METTL25: variants seen among roughly 807,000 people sequenced by gnomAD.
The protein encoded by METTL25 is methyltransferase like 25, also known as probable methyltransferase-like protein 25.
A neutral mutation model predicts 71.6 loss-of-function variants in METTL25; 64 were observed. The observed-to-expected ratio is 0.89, with a 90% CI of 0.73 to 1.10. The LOEUF is 1.10. Ranked by LOEUF, METTL25 falls within the 50% of genes least tolerant of loss-of-function variation. The pLI is 0.00. For missense variants in METTL25, 807 were observed against 707.0 expected (o/e 1.14, Z -1.60); for synonymous variants, 287 against 250.3 (o/e 1.15, Z -1.38).
intron 1 of METTL25, among the ~76,000 whole-genome samples, chr12:82,383,601 G>T (rs1361810504): frequency 6.6e-6 from 1 of 152,106 alleles, no homozygotes; most frequent in Non-Finnish European, 1.5e-5. Flanking sequence ...TACAGTAAAT[G>T]TTAGAATAAT....
At chr12:82,442,231 C>CTTTA (rs1300018843) in intron 8 of METTL25, among the ~76,000 whole-genome samples, 1 of 152,060 alleles carries the variant, frequency 6.6e-6, no homozygotes, top group Non-Finnish European at 1.5e-5. Flanking sequence ...TAAAAAAGAC[C>CTTTA]TTTAATAATC....
intron 2 of METTL25, 74 bp from the exon 3 acceptor site, chr12:82,389,742 A>G (rs535270097): frequency 1.1e-6 from 1 of 875,016 alleles, no homozygotes; most frequent in East Asian, 2.5e-5. Context: ...ATTTCAAAAA[A>G]TATGAACATC....
At chr12:82,412,961 A>T (rs1030924639) in intron 5 of METTL25, among the ~76,000 whole-genome samples, 2 of 152,046 alleles carry the variant, frequency 1.3e-5, no homozygotes, top group African/African-American at 2.4e-5. Flanking sequence ...ATAAAATTTT[A>T]AAAAATAAAG....
chr12:82,378,839 G>C (rs1884149311), intron 1 of METTL25, among the ~76,000 whole-genome samples: 1 of 152,090 alleles, frequency 6.6e-6, no homozygotes, highest in South Asian at 2.1e-4. Flanking sequence ...ACCAGCCTGA[G>C]TAACATAGTG....
At chr12:82,474,821 A>G (rs910760274) in intron 9 of METTL25, among the ~76,000 whole-genome samples, 2 of 152,202 alleles carry the variant, frequency 1.3e-5, no homozygotes, top group African/African-American at 4.8e-5. Flanking sequence ...AACAAACAGA[A>G]TGAGAAAGAG....
chr12:82,358,553 G>A lies in METTL25; in HGVS notation c.-13G>A, dbSNP rs1881265541. The A allele has an allele frequency of 1.2e-6, 2 of 1,608,200 alleles. No homozygotes were observed. The highest frequency in any genetic ancestry group is 8.5e-7 in the Non-Finnish European group (1 of 1,178,898). ...CATGTTTGCGCCACCTACAGCCTCG[G>A]AGGGTGAGCGTCATGGCGGCTTCTT... On this transcript the variant is annotated 5_prime_UTR_variant, in exon 1 of 12. Transcript: ENST00000248306.
At chr12:82,379,943 T>A (rs1402276536) in intron 1 of METTL25, among the ~76,000 whole-genome samples, 2 of 152,168 alleles carry the variant, frequency 1.3e-5, no homozygotes, top group East Asian at 1.9e-4. Flanking sequence ...AAGCTAAGTG[T>A]GCATATTGAT....
intron 6 of METTL25, among the ~76,000 whole-genome samples, chr12:82,432,324 G>T (rs1196507765): frequency 6.6e-6 from 1 of 151,514 alleles, no homozygotes; most frequent in African/African-American, 2.4e-5. Flanking sequence ...AATTTGTCTT[G>T]TTCTCTCACT....
chr12:82,422,123 A>G (rs1399349373), intron 5 of METTL25, among the ~76,000 whole-genome samples: 1 of 152,146 alleles, frequency 6.6e-6, no homozygotes, highest in African/African-American at 2.4e-5. Flanking sequence ...AATATCCGTG[A>G]TGAACATCAA....
At position 82,440,606 on chromosome 12, in the gene METTL25, G is replaced by A. The variant is rs531832747; in HGVS notation, c.1478+1815G>A. ...TTATTTATTGTGTGACAGGCAACATGTTAGGTCCTGGGGATTCTGGATGCA... is the reference window on the plus strand; with the variant it reads ...TTATTTATTGTGTGACAGGCAACATATTAGGTCCTGGGGATTCTGGATGCA... On this transcript the variant is annotated intron_variant, in intron 8 of 11. Coordinates refer to ENST00000248306, the MANE Select transcript of METTL25 (RefSeq NM_032230.3). 2.6e-5 allele frequency among the ~76,000 whole-genome samples: 4 copies of A among 152,016 alleles called. No individual in the cohort carries two copies. In the South Asian group the frequency reaches 6.2e-4, roughly 24 times the overall value.
intron 2 of METTL25, 100 bp downstream of exon 2, chr12:82,387,067 T>C (rs1885108585): frequency 1.0e-6 from 1 of 981,252 alleles, no homozygotes; most frequent in South Asian, 2.0e-5. Flanking sequence ...TAATTTATTG[T>C]TAGACCTTAA....
Position 82,456,834 on chromosome 12 carries a change from G to T in METTL25, c.1572+14G>T. 1 of 1,246,304 alleles carries T rather than the reference G, an allele frequency of 8.0e-7. No homozygotes were observed. Among genetic ancestry groups the T allele is most frequent in the South Asian group, 1.7e-5 (1 of 60,160 alleles). The allele number at this position is 1,246,304 out of a possible 1,614,324, so 77.2% of individuals were successfully genotyped here. ...GATGAGTCCAAGGTCAGTATATGAT[G>T]ACTCATTATTTTCAGAAAAGACAGA... On this transcript the variant is annotated intron_variant, in intron 9 of 11. Coordinates refer to ENST00000248306, the MANE Select transcript of METTL25 (RefSeq NM_032230.3).
intron 3 of METTL25, among the ~76,000 whole-genome samples, chr12:82,390,809 A>G (rs1885500161): frequency 6.6e-6 from 1 of 152,060 alleles, no homozygotes. Context: ...TAACAGCCTT[A>G]TGGCAATGAT....
intron 6 of METTL25, 31 bp from the exon 7 acceptor site, chr12:82,434,664 C>G: frequency 6.3e-7 from 1 of 1,585,812 alleles, no homozygotes; most frequent in Non-Finnish European, 8.6e-7. Context: ...CTCAATATAT[C>G]AACAATCTGT....
At chr12:82,472,247 C>G (rs550486776) in intron 9 of METTL25, among the ~76,000 whole-genome samples, 7 of 152,146 alleles carry the variant, frequency 4.6e-5, no homozygotes, top group Non-Finnish European at 1.5e-5. Flanking sequence ...TAGTGGTTGT[C>G]TAGGTTCATT....
chr12:82,367,430 C>T (rs1159367938), intron 1 of METTL25, among the ~76,000 whole-genome samples: 1 of 152,042 alleles, frequency 6.6e-6, no homozygotes, highest in African/African-American at 2.4e-5. Flanking sequence ...TTGTTTACTC[C>T]TCATCACCTC....
chr12:82,432,372 T>TC (rs1461762121), intron 6 of METTL25, among the ~76,000 whole-genome samples: 1 of 151,642 alleles, frequency 6.6e-6, no homozygotes, highest in East Asian at 1.9e-4. Flanking sequence ...CTTGTTAGAA[T>TC]GACAGCTTCT....
At chr12:82,393,356 A>G (rs1460277319) in intron 3 of METTL25, among the ~76,000 whole-genome samples, 3 of 151,846 alleles carry the variant, frequency 2.0e-5, no homozygotes, top group Non-Finnish European at 4.4e-5. Flanking sequence ...CTTTGGTGGC[A>G]TTTATTCCTA....
intron 1 of METTL25, among the ~76,000 whole-genome samples, chr12:82,365,746 A>G (rs984062723): frequency 2.8e-4 from 40 of 143,944 alleles, no homozygotes; most frequent in African/African-American, 9.7e-4. Context: ...AAAACAACAG[A>G]AGCAACTTAA....
Sources: gnomAD v4.1 joint callset for allele counts (sites outside exome capture counted in the v4.1 genomes callset) on GRCh38, gnomAD v4.1.1 for gene constraint, MANE v1.5 for transcripts, NCBI Gene and HGNC (gene_info 2026-07-23, HGNC 2026-07-21) for gene names.